DNAH9: variants seen among roughly 807,000 people sequenced by gnomAD.
DNAH9 encodes dynein axonemal heavy chain 9, also known as DNAH9 variant protein.
In DNAH9, 345 loss-of-function variants were observed where a neutral mutation model predicts 471.6. That is an observed-to-expected ratio of 0.73 (90% confidence interval 0.67 to 0.80). DNAH9 has a LOEUF of 0.80. DNAH9 is among the 30% of genes least tolerant of loss of function. DNAH9 has a pLI of 0.00. For synonymous variants in DNAH9, 2,093 were observed against 2,123.6 expected, an observed-to-expected ratio of 0.99 and a Z score of 0.40; for missense variants, 5,407 against 5,609.2, an observed-to-expected ratio of 0.96 and a Z score of 1.15.
At chr17:11,644,569 C>T (rs2073343170) in intron 10 of DNAH9, 62 bp from the exon 11 acceptor site, 1 of 1,257,016 alleles carries the variant, frequency 8.0e-7, no homozygotes, top group Non-Finnish European at 1.2e-6. Flanking sequence ...GCAGTTTGTT[C>T]CTCGGATTAT....
chr17:11,627,299 G>A (rs928961988), intron 6 of DNAH9, among the ~76,000 whole-genome samples: 1 of 152,148 alleles, frequency 6.6e-6, no homozygotes, highest in African/African-American at 2.4e-5. Flanking sequence ...ACACCTTCCT[G>A]TCACCTCCCT....
intron 31 of DNAH9, 119 bp downstream of exon 31, chr17:11,745,203 A>G (rs2075502908): frequency 9.7e-6 from 8 of 828,212 alleles, no homozygotes; most frequent in Non-Finnish European, 1.5e-5. Context: ...GTATCTAGTT[A>G]GTAATAACTC....
chr17:11,730,880 T>C (rs2075249123), intron 28 of DNAH9, among the ~76,000 whole-genome samples: 1 of 150,670 alleles, frequency 6.6e-6, no homozygotes, highest in South Asian at 2.1e-4. Flanking sequence ...ATTCTAATGA[T>C]GATGATGATG....
At chr17:11,856,738 C>CA (rs1269072337) in intron 50 of DNAH9, among the ~76,000 whole-genome samples, 1 of 151,788 alleles carries the variant, frequency 6.6e-6, no homozygotes, top group Non-Finnish European at 1.5e-5. Context: ...CAAAGCAACT[C>CA]ACCTCCTCTC....
chr17:11,919,312 G>A (rs933978858), intron 61 of DNAH9, among the ~76,000 whole-genome samples: 21 of 151,788 alleles, frequency 1.4e-4, no homozygotes, highest in African/African-American at 5.1e-4. Context: ...TGGCTAACAC[G>A]GTGAAACCCT....
At position 11,956,807 on chromosome 17, in the gene DNAH9, G is replaced by A. The variant is rs183331173; in HGVS notation, c.12844-5060G>A. Among the ~76,000 whole-genome samples the A allele has an allele frequency of 3.9e-4, 59 of 151,856 alleles. No homozygotes were observed. The East Asian group carries it at 0.011, about 28-fold the overall frequency. ...ACTTAGAGGGAAATGTATAGCATGAGATGCGAATATCAGCAATGAAAAAAG... is the reference window on the plus strand; with the variant it reads ...ACTTAGAGGGAAATGTATAGCATGAAATGCGAATATCAGCAATGAAAAAAG... On this transcript the variant is annotated intron_variant, in intron 67 of 68. Coordinates refer to ENST00000262442, the MANE Select transcript of DNAH9 (RefSeq NM_001372.4).
intron 41 of DNAH9, among the ~76,000 whole-genome samples, chr17:11,786,668 T>C (rs1968880947): frequency 6.6e-6 from 1 of 152,224 alleles, no homozygotes; most frequent in Admixed American, 6.5e-5. Flanking sequence ...AGCAGCAGCA[T>C]TGATAGAACA....
intron 61 of DNAH9, among the ~76,000 whole-genome samples, chr17:11,910,597 G>A (rs1973763378): frequency 6.6e-6 from 1 of 152,090 alleles, no homozygotes; most frequent in South Asian, 2.1e-4. Flanking sequence ...TGGGTCAGAT[G>A]GTGACTTTAT....
intron 49 of DNAH9, among the ~76,000 whole-genome samples, chr17:11,842,777 C>T (rs1402290690): frequency 6.6e-6 from 1 of 152,200 alleles, no homozygotes; most frequent in Non-Finnish European, 1.5e-5. Context: ...GTGCTGGCAG[C>T]TGATTAAACG....
intron 65 of DNAH9, among the ~76,000 whole-genome samples, chr17:11,936,813 G>A (rs982289174): frequency 3.9e-5 from 6 of 152,114 alleles, no homozygotes; most frequent in Admixed American, 2.0e-4. Context: ...CACCAGGGGC[G>A]CAAACTCTCC....
chr17:11,966,958 C>A (rs185213475), intron 68 of DNAH9, among the ~76,000 whole-genome samples: 385 of 147,262 alleles, frequency 2.6e-3, no homozygotes, highest in Non-Finnish European at 3.7e-3. Context: ...TTGCTTGAAC[C>A]CAGGAGGCAG....
rs993786821 is a variant in DNAH9 at position 11,713,939 on chromosome 17, G to A, written c.5553-5395G>A. ...TTGCTAGAGAGATGATATGGGTGGCGTTGCTCTCAGTTCTGTCACATTTTG... is the reference window on the plus strand; with the variant it reads ...TTGCTAGAGAGATGATATGGGTGGCATTGCTCTCAGTTCTGTCACATTTTG... On this transcript the variant is annotated intron_variant, in intron 26 of 68. Transcript: ENST00000262442. Among the ~76,000 whole-genome samples the A allele has an allele frequency of 5.9e-5, 9 of 152,228 alleles. No individual in the cohort carries two copies. In the South Asian group the frequency reaches 6.2e-4, roughly 11 times the overall value.
At chr17:11,704,565 C>T (rs1335452272) in intron 25 of DNAH9, 123 bp downstream of exon 25, 6 of 775,754 alleles carry the variant, frequency 7.7e-6, no homozygotes, top group Non-Finnish European at 1.2e-5. Flanking sequence ...GGGGGAGGAT[C>T]ACAGTGGCTG....
intron 28 of DNAH9, among the ~76,000 whole-genome samples, chr17:11,738,327 C>T (rs1044305547): frequency 2.0e-5 from 3 of 152,184 alleles, no homozygotes; most frequent in African/African-American, 7.2e-5. Flanking sequence ...TTTGCTGTTC[C>T]CTCCCATGCT....
At position 11,719,412 on chromosome 17, in the gene DNAH9, C is replaced by T. The variant is rs61739488; in HGVS notation, c.5631C>T (p.Thr1877=). Reference sequence around the variant, plus strand: ...CAGGACCTGCAGGCACAGGCAAGACCGAGACCACCAAGGACCTGGGCCGCG... The same window carrying T: ...CAGGACCTGCAGGCACAGGCAAGACTGAGACCACCAAGGACCTGGGCCGCG... ...APAGPAGTGK[T]ETTKDLGRAL... Residue 1877 remains threonine (T), a synonymous_variant, in exon 27 of 69, where the codon ACC becomes ACT. Coordinates refer to ENST00000262442, the MANE Select transcript of DNAH9 (RefSeq NM_001372.4). 9.2e-3 allele frequency: 14,813 copies of T among 1,613,870 alleles called. 1,083 individuals are homozygous for T. In the African/African-American group the frequency reaches 0.17, roughly 18 times the overall value.
intron 30 of DNAH9, among the ~76,000 whole-genome samples, chr17:11,742,525 T>C (rs2075447643): frequency 6.6e-6 from 1 of 152,110 alleles, no homozygotes; most frequent in Non-Finnish European, 1.5e-5. Flanking sequence ...ACCTCAAAAC[T>C]CCATTTTGTA....
intron 9 of DNAH9, among the ~76,000 whole-genome samples, 160 bp from the exon 10 acceptor site, chr17:11,640,110 C>G (rs2073242168): frequency 6.6e-6 from 1 of 152,216 alleles, no homozygotes; most frequent in Non-Finnish European, 1.5e-5. Flanking sequence ...ACTCTTTCTT[C>G]CTCTTTAACA....
intron 4 of DNAH9, among the ~76,000 whole-genome samples, chr17:11,613,762 A>G (rs992213429): frequency 5.3e-5 from 8 of 152,340 alleles, no homozygotes; most frequent in Admixed American, 4.6e-4. Context: ...GAAGTAAGCA[A>G]TAGAGTGCTA....
rs764791991 is a variant in DNAH9, at chr17:11,905,670, TGAA to T, written c.11613_11615del (p.Glu3872del). On this transcript the variant is annotated inframe_deletion, in exon 61 of 69. Transcript: ENST00000262442. ...GCTTTTTTTCTGGCAGAGATTTTGT[TGAA>T]GAGAAGTTAGGAAGCAAATACGTGG... The T allele has an allele frequency of 1.2e-6, 2 of 1,613,672 alleles. No individual in the cohort carries two copies. The highest frequency in any genetic ancestry group is 1.7e-5 in the Admixed American group (1 of 59,894).
Sources: gnomAD v4.1 joint callset for allele counts (sites outside exome capture counted in the v4.1 genomes callset) on GRCh38, gnomAD v4.1.1 for gene constraint, MANE v1.5 for transcripts, NCBI Gene and HGNC (gene_info 2026-07-23, HGNC 2026-07-21) for gene names.